Variants in DNAH5 observed in about 807,000 individuals in gnomAD.
DNAH5 encodes dynein axonemal heavy chain 5, also known as axonemal beta dynein heavy chain 5.
In DNAH5, 372 loss-of-function variants were observed where a neutral mutation model predicts 518.2. That is an observed-to-expected ratio of 0.72 (90% CI 0.66 to 0.78). DNAH5 has a LOEUF of 0.78. DNAH5 is among the 30% of genes least tolerant of loss of function. The probability of loss-of-function intolerance (pLI) is 0.00; values close to 1 mark genes in which losing one functional copy is unlikely to be tolerated. For missense variants in DNAH5, 5,523 were observed against 5,687.0 expected, an observed-to-expected ratio of 0.97 and a Z score of 0.93; for synonymous variants, 2,039 against 2,025.9, an observed-to-expected ratio of 1.01 and a Z score of -0.17.
intron 1 of DNAH5, among the ~76,000 whole-genome samples, chr5:13,932,993 T>C (rs1255182043): frequency 2.0e-5 from 3 of 152,212 alleles, no homozygotes; most frequent in Non-Finnish European, 2.9e-5. Context: ...GGAGCAGTCC[T>C]GTGCAATGTG....
At chr5:13,973,128 G>A (rs1781997182) in intron 1 of DNAH5, among the ~76,000 whole-genome samples, 1 of 152,160 alleles carries the variant, frequency 6.6e-6, no homozygotes, top group South Asian at 2.1e-4. Context: ...GTGGAAGACA[G>A]GAGAGGCAAG....
intron 36 of DNAH5, 74 bp downstream of exon 36, chr5:13,830,523 G>C: frequency 3.9e-6 from 6 of 1,557,416 alleles, no homozygotes; most frequent in Non-Finnish European, 8.8e-7. Flanking sequence ...GTGGCCAATT[G>C]TTGAAAACAA....
intron 43 of DNAH5, among the ~76,000 whole-genome samples, chr5:13,813,458 A>AG (rs386403062): frequency 3.5e-4 from 2 of 5,788 alleles, no homozygotes; most frequent in East Asian, 0.067. Context: ...CACTTAAAAG[A>AG]AAAAAAAAAA....
rs759152812 is a variant in DNAH5, at chr5:13,865,671, T to C, written c.4352A>G (p.Asn1451Ser). ...KINNELLEFQ[N>S]RCRKLPRALK... ...TGCTAAACATTTAATTTCTTACCTG[T>C]TCTGGAATTCTAAGAGTTCATTGTT... Residue 1451 changes from asparagine (N) to serine (S), a missense_variant, in exon 27 of 79, where the codon AAC becomes AGC. Coordinates refer to ENST00000265104, the MANE Select transcript of DNAH5 (RefSeq NM_001369.3). The C allele has an allele frequency of 1.3e-6, 2 of 1,545,472 alleles. No individual in the cohort carries two copies. Among genetic ancestry groups the C allele is most frequent in the Non-Finnish European group, 1.8e-6 (2 of 1,117,610 alleles).
chr5:13,759,669 A>G (rs1182353843), intron 60 of DNAH5, among the ~76,000 whole-genome samples: 1 of 152,224 alleles, frequency 6.6e-6, no homozygotes, highest in Non-Finnish European at 1.5e-5. Context: ...TAAAGAAGCT[A>G]TTAAGATAGA....
chr5:14,004,154 CTGTT>C (rs1322743084), intron 1 of DNAH5, among the ~76,000 whole-genome samples: 1 of 152,198 alleles, frequency 6.6e-6, no homozygotes, highest in African/African-American at 2.4e-5. Flanking sequence ...TGCTTCGTGT[CTGTT>C]TAAGTATCTT....
At chr5:13,880,671 T>A (rs889359503) in intron 21 of DNAH5, among the ~76,000 whole-genome samples, 6 of 149,294 alleles carry the variant, frequency 4.0e-5, no homozygotes, top group African/African-American at 1.5e-4. Context: ...AGGGTAAACA[T>A]AAAGCAAAAG....
At chr5:13,912,806 T>C (rs1375801884) in intron 11 of DNAH5, among the ~76,000 whole-genome samples, 2 of 151,890 alleles carry the variant, frequency 1.3e-5, no homozygotes, top group African/African-American at 4.8e-5. Context: ...GATTATTAAG[T>C]TAAATAAAGG....
chr5:13,844,931 A>G lies in DNAH5; in HGVS notation c.5177T>C (p.Leu1726Pro), dbSNP rs138890576. Reference sequence around the variant, plus strand: ...GTCCGACGCCTGCCCCAGAATCTCTAGAAGGGCAGGATCTGAGACGAAGAA... The same window carrying G: ...GTCCGACGCCTGCCCCAGAATCTCTGGAAGGGCAGGATCTGAGACGAAGAA... Reference protein sequence around the residue: ...RFFFVSDPALLEILGQASDSH... With the variant: ...RFFFVSDPALPEILGQASDSH... The change falls in exon 32 of 79, where the codon CTA becomes CCA. Residue 1726 changes from leucine to proline, a missense_variant. By Grantham distance (98) the Leu-to-Pro change is moderately conservative. Around this residue, in one of 3 missense-constraint regions of DNAH5, gnomAD observed 5,121 missense variants for 5,223.3 expected, o/e 0.98. Coordinates refer to ENST00000265104, the MANE Select transcript of DNAH5 (RefSeq NM_001369.3). 35 of 1,614,066 alleles carry G rather than the reference A, an allele frequency of 2.2e-5. No individual in the cohort carries two copies. The highest frequency in any genetic ancestry group is 2.9e-5 in the Non-Finnish European group (34 of 1,180,022).
At chr5:13,986,425 C>T (rs1783059474) in intron 1 of DNAH5, among the ~76,000 whole-genome samples, 1 of 152,208 alleles carries the variant, frequency 6.6e-6, no homozygotes, top group African/African-American at 2.4e-5. Context: ...CCGGGCCAAG[C>T]TGGACCAATC....
At chr5:13,883,242 G>A in intron 19 of DNAH5, 148 bp from the exon 20 acceptor site, 11 of 959,012 alleles carry the variant, frequency 1.1e-5, no homozygotes, top group Non-Finnish European at 1.4e-5. Context: ...AAAACTAATG[G>A]AGGATCTAGT....
chr5:13,977,912 G>A (rs1342555163), intron 1 of DNAH5, among the ~76,000 whole-genome samples: 2 of 152,120 alleles, frequency 1.3e-5, no homozygotes, highest in Non-Finnish European at 2.9e-5. Context: ...TCATGAGAGG[G>A]AGAGAAAGAG....
rs562876215 is a variant in DNAH5 at position 13,726,844 on chromosome 5, T to C, written c.12033+663A>G. The stretch of plus-strand genomic sequence containing the variant: ...TCCACAGCTCATTTGGAAAAGCCCT[T>C]AAGGAGTCAACCTGGGCTGAATATC... On this transcript the variant is annotated intron_variant, in intron 70 of 78. Transcript: ENST00000265104. Among the ~76,000 whole-genome samples, 3 of 152,328 alleles carry C rather than the reference T, an allele frequency of 2.0e-5. No homozygotes were observed. The South Asian group carries it at 6.2e-4, about 32-fold the overall frequency.
At chr5:13,948,006 A>C (rs1020099630), upstream of DNAH5, among the ~76,000 whole-genome samples, 1 of 152,214 alleles carries the variant, frequency 6.6e-6, no homozygotes, top group Non-Finnish European at 1.5e-5. Context: ...GAGTGTCCTT[A>C]CCAGAGCTTG....
chr5:13,972,671 TC>T (rs1781959912), intron 1 of DNAH5, among the ~76,000 whole-genome samples: 1 of 152,196 alleles, frequency 6.6e-6, no homozygotes, highest in Admixed American at 6.5e-5. Flanking sequence ...CTTTGGGCAC[TC>T]GGAGTTTCTC....
intron 47 of DNAH5, among the ~76,000 whole-genome samples, chr5:13,795,546 A>T (rs964945897): frequency 1.3e-5 from 2 of 152,250 alleles, no homozygotes; most frequent in Non-Finnish European, 2.9e-5. Flanking sequence ...TCTGCAATTG[A>T]GGCAATAATT....
intron 3 of DNAH5, among the ~76,000 whole-genome samples, chr5:13,926,098 C>T (rs998050113): frequency 1.4e-4 from 21 of 152,304 alleles, no homozygotes; most frequent in African/African-American, 5.1e-4. Context: ...GGGGAGCTAA[C>T]AGCACCACCA....
In DNAH5 at chr5:13,922,144, T is replaced by A; in HGVS notation, c.623A>T (p.Asn208Ile). The change falls in exon 5 of 79, where the codon AAC (asparagine) becomes ATC (isoleucine). Residue 208 changes from asparagine to isoleucine, a missense_variant. Asn to Ile is a moderately radical substitution (Grantham distance 149). Around this residue, in one of 3 missense-constraint regions of DNAH5, gnomAD observed 5,121 missense variants for 5,223.3 expected, o/e 0.98. Coordinates refer to ENST00000265104, the MANE Select transcript of DNAH5 (RefSeq NM_001369.3). ...EFLSSLEGFVNVLSGAQESLK... is the reference protein window; with the variant it reads ...EFLSSLEGFVIVLSGAQESLK... ...ACTCTCCTGTGCACCCGACAGGACG[T>A]TCACAAAGCCTTCCAGGGAGCTCAA... The A allele has an allele frequency of 1.9e-6, 3 of 1,614,096 alleles. No individual in the cohort carries two copies. Among genetic ancestry groups the A allele is most frequent in the Non-Finnish European group, 2.5e-6 (3 of 1,179,990 alleles).
Position 13,820,398 on chromosome 5 carries a change from G to T in DNAH5, c.6789C>A (p.Pro2263=), listed in dbSNP as rs756464064. The stretch of plus-strand genomic sequence containing the variant: ...TGCAGGTGGTCTTCCCAGCCCCACT[G>T]GGCCCCAGAGTCATCATCCCATGTC... ...RVRHGMMTLG[P]SGAGKTTCIH... The change falls in exon 41 of 79, where the codon CCC becomes CCA. Residue 2263 remains proline (P), a synonymous_variant. Coordinates refer to ENST00000265104, the MANE Select transcript of DNAH5 (RefSeq NM_001369.3). 3 of 1,610,228 alleles carry T rather than the reference G, an allele frequency of 1.9e-6. No individual in the cohort carries two copies. The highest frequency in any genetic ancestry group is 1.7e-5 in the Admixed American group (1 of 59,748).
Sources: gnomAD v4.1 joint callset for allele counts (sites outside exome capture counted in the v4.1 genomes callset) on GRCh38, gnomAD v4.1.1 for gene constraint, gnomAD v4.1.1 regional missense constraint, MANE v1.5 for transcripts, NCBI Gene and HGNC (gene_info 2026-07-23, HGNC 2026-07-21) for gene names.